The following COL4A5 variants were observed in gnomAD, a reference collection of about 807,000 sequenced individuals.
COL4A5 encodes the protein collagen type IV alpha 5 chain, also known as collagen alpha-5(IV) chain.
COL4A5 carries 26 observed loss-of-function variants against 130.2 expected under a neutral mutation model. The observed-to-expected ratio is 0.20, with a 90% CI of 0.15 to 0.28. The LOEUF is 0.28. Ranked by LOEUF, COL4A5 falls within the 10% of genes least tolerant of loss-of-function variation. The pLI, the probability that COL4A5 is intolerant of heterozygous loss-of-function variation, is 1.00. For synonymous variants in COL4A5, 496 were observed against 439.6 expected, an observed-to-expected ratio of 1.13 and a Z score of -1.60; for missense variants, 1,131 against 1,344.3, an observed-to-expected ratio of 0.84 and a Z score of 2.48.
intron 49 of COL4A5, among the ~76,000 whole-genome samples, chrX:108,690,456 C>A (rs1666963853): frequency 2.7e-5 from 3 of 111,954 alleles, no homozygotes; most frequent in Admixed American, 9.5e-5. Context: ...GGTTTAAGAT[C>A]TATTGGTCTT....
At chrX:108,567,667 A>T (rs761951515) in intron 4 of COL4A5, among the ~76,000 whole-genome samples, 8 of 112,009 alleles carry the variant, frequency 7.1e-5, no homozygotes, top group African/African-American at 1.3e-4. Flanking sequence ...AGGCCTCACA[A>T]TCATGGCAGA....
At position 108,590,959 on chromosome X, in the gene COL4A5, A is replaced by T. The variant is rs1384022964; in HGVS notation, c.1166-99A>T. ...GAAAAAAAATAACATAACCAGAATT[A>T]TATGTTAAAGGAAGATCTTATCATT... is the stretch of plus-strand genomic sequence containing the variant. On this transcript the variant is annotated intron_variant, in intron 19 of 52. Transcript: ENST00000328300. 13 of 784,779 alleles carry T rather than the reference A, an allele frequency of 1.7e-5. No homozygotes were observed. In the Admixed American group the frequency reaches 3.4e-4, roughly 20 times the overall value. 64.7% of individuals were successfully genotyped at this position (784,779 alleles called of 1,213,427 possible).
intron 1 of COL4A5, among the ~76,000 whole-genome samples, chrX:108,508,832 TGGTGCTG>T (rs2065153443): frequency 8.9e-6 from 1 of 112,026 alleles, no homozygotes; most frequent in Admixed American, 9.4e-5. Context: ...ATTCAATAAA[TGGTGCTG>T]GGATAACCAG....
Position 108,546,476 on chromosome X carries a change from C to T in COL4A5, c.141+6671C>T, listed in dbSNP as rs748910184. On this transcript the variant is annotated intron_variant, in intron 2 of 52. Transcript: ENST00000328300. ...GCTTGTAGAGTTTCTGCCAAGAGAT[C>T]CACTGTTAGTCTGATGGGCTTCCCT... Among the ~76,000 whole-genome samples the T allele has an allele frequency of 3.4e-3, 387 of 112,326 alleles. 3 individuals are homozygous for T. The highest frequency in any genetic ancestry group is 5.4e-3 in the Non-Finnish European group (289 of 53,302).
intron 1 of COL4A5, among the ~76,000 whole-genome samples, chrX:108,457,550 A>G (rs960968826): frequency 4.5e-5 from 5 of 111,589 alleles, no homozygotes; most frequent in Admixed American, 9.6e-5. Flanking sequence ...ATATCTTAGT[A>G]TTGGTATGTT....
intron 2 of COL4A5, among the ~76,000 whole-genome samples, chrX:108,540,327 CAG>C (rs748618761): frequency 6.3e-4 from 71 of 111,879 alleles, no homozygotes; most frequent in African/African-American, 2.2e-3. Flanking sequence ...TAGGCAAAGA[CAG>C]GGGAAAAACA....
intron 52 of COL4A5, 139 bp from the exon 53 acceptor site, chrX:108,696,158 A>G (rs996984459): frequency 5.6e-6 from 3 of 531,709 alleles, no homozygotes; most frequent in Non-Finnish European, 1.0e-5. Context: ...GCATTAGATC[A>G]TATTGCTGAA....
chrX:108,447,233 A>G (rs1257449810), intron 1 of COL4A5, among the ~76,000 whole-genome samples: 1 of 111,254 alleles, frequency 9.0e-6, no homozygotes, highest in African/African-American at 3.3e-5. Context: ...TCCCTTAGTG[A>G]TACTCAGAAA....
rs754951139 is a variant in COL4A5 at position 108,665,388 on chromosome X, T to C, written c.3374-119T>C. The C allele has an allele frequency of 5.2e-4, 257 of 494,225 alleles. No homozygotes were observed. In the African/African-American group the frequency reaches 5.7e-3, roughly 11 times the overall value. The allele number at this position is 494,225 out of a possible 1,213,427, so 40.7% of individuals were successfully genotyped here. ...AATAGCCAACAAACACCAGCATCTT[T>C]TGGGTTTCTTTTTGTTCTTCACTGT... On this transcript the variant is annotated intron_variant, in intron 37 of 52. Transcript: ENST00000328300.
At chrX:108,529,879 T>C (rs1026009734) in intron 1 of COL4A5, among the ~76,000 whole-genome samples, 8 of 110,916 alleles carry the variant, frequency 7.2e-5, no homozygotes, top group African/African-American at 2.6e-4. Flanking sequence ...CAAATATATA[T>C]GCACCCCATA....
chrX:108,568,972 T>C, intron 6 of COL4A5, 151 bp downstream of exon 6: 1 of 460,139 alleles, frequency 2.2e-6, no homozygotes. Context: ...TAATTTTCTA[T>C]ATATTGAACT....
rs952884345 is a variant in COL4A5, at chrX:108,661,534, T to A, written c.3374-3973T>A. 6.2e-5 allele frequency among the ~76,000 whole-genome samples: 7 copies of A among 112,096 alleles called. No homozygotes were observed. In the Admixed American group the frequency reaches 6.6e-4, roughly 11 times the overall value. ...ATATTTATTATAGCTATTTTAAAGA[T>A]CTTTTCAGCTTATTCCAAATTTTCA... On this transcript the variant is annotated intron_variant, in intron 37 of 52. Transcript: ENST00000328300.
At chrX:108,630,854 G>A (rs1057326476) in intron 36 of COL4A5, among the ~76,000 whole-genome samples, 3 of 112,365 alleles carry the variant, frequency 2.7e-5, no homozygotes, top group African/African-American at 9.7e-5. Flanking sequence ...AAGGGATCCA[G>A]TTTCAGCTTT....
chrX:108,635,039 T>C (rs1294963335), intron 36 of COL4A5, among the ~76,000 whole-genome samples: 1 of 111,306 alleles, frequency 9.0e-6, no homozygotes, highest in Non-Finnish European at 1.9e-5. Context: ...GGTAGTTTGT[T>C]TTATGGATGT....
chrX:108,546,548 C>T (rs2065659098), intron 2 of COL4A5, among the ~76,000 whole-genome samples: 1 of 111,473 alleles, frequency 9.0e-6, no homozygotes, highest in African/African-American at 3.3e-5. Flanking sequence ...AGCTTTTTTT[C>T]CTTCATTTCA....
chrX:108,609,527 G>C (rs992710042), intron 29 of COL4A5, among the ~76,000 whole-genome samples: 6 of 111,364 alleles, frequency 5.4e-5, no homozygotes, highest in South Asian at 7.5e-4. Context: ...TTTAGCCCTG[G>C]CTGGCTGACC....
intron 50 of COL4A5, 121 bp from the exon 51 acceptor site, chrX:108,694,686 T>G: frequency 1.8e-6 from 1 of 563,243 alleles, no homozygotes; most frequent in East Asian, 3.4e-5. Context: ...TTTCACCTTT[T>G]GTGATCATTG....
chrX:108,500,372 A>T (rs1488800423), intron 1 of COL4A5, among the ~76,000 whole-genome samples: 2 of 111,779 alleles, frequency 1.8e-5, no homozygotes, highest in Non-Finnish European at 3.8e-5. Context: ...TTTCTTCTTC[A>T]AAAGTCTTAA....
chrX:108,469,102 G>A (rs1421920317), intron 1 of COL4A5, among the ~76,000 whole-genome samples: 1 of 105,698 alleles, frequency 9.5e-6, no homozygotes, highest in Non-Finnish European at 1.9e-5. Context: ...CTAGAAATTT[G>A]CCCATTTCAT....
Sources: gnomAD v4.1 joint callset for allele counts (sites outside exome capture counted in the v4.1 genomes callset) on GRCh38, gnomAD v4.1.1 for gene constraint, MANE v1.5 for transcripts, NCBI Gene and HGNC (gene_info 2026-07-23, HGNC 2026-07-21) for gene names.